The following PPFIBP1 variants were observed in gnomAD, a reference collection of about 807,000 sequenced individuals.
The protein encoded by PPFIBP1 is liprin-beta-1.
Under a neutral mutation model 137.8 loss-of-function variants are expected in PPFIBP1, and 112 were observed. That is an observed-to-expected ratio of 0.81 (90% CI 0.70 to 0.95). PPFIBP1 has a LOEUF of 0.95. Among genes scored for constraint, PPFIBP1 ranks in the 40% least tolerant of loss-of-function variants. The pLI is 0.00. For missense variants in PPFIBP1, 1,083 were observed against 1,196.6 expected (o/e 0.91, Z 1.40); for synonymous variants, 378 against 417.3 (o/e 0.91, Z 1.15).
At chr12:27,580,602 T>C (rs1397961562) in intron 2 of PPFIBP1, among the ~76,000 whole-genome samples, 2 of 152,188 alleles carry the variant, frequency 1.3e-5, no homozygotes, top group Admixed American at 6.5e-5. Flanking sequence ...TTGTATCTGA[T>C]ACTTTATGAG....
At chr12:27,661,831 C>T (rs1198198767) in intron 11 of PPFIBP1, among the ~76,000 whole-genome samples, 1 of 152,112 alleles carries the variant, frequency 6.6e-6, no homozygotes, top group African/African-American at 2.4e-5. Flanking sequence ...CTCGCATTCT[C>T]TTTATTTGCT....
At chr12:27,541,717 C>T (rs960721257) in intron 1 of PPFIBP1, among the ~76,000 whole-genome samples, 1 of 152,146 alleles carries the variant, frequency 6.6e-6, no homozygotes, top group African/African-American at 2.4e-5. Flanking sequence ...TTGCAAAACC[C>T]TTTCACTAGG....
intron 4 of PPFIBP1, among the ~76,000 whole-genome samples, chr12:27,644,598 C>T (rs1431540722): frequency 1.3e-5 from 2 of 151,986 alleles, no homozygotes; most frequent in Non-Finnish European, 2.9e-5. Flanking sequence ...AAAAAACTGC[C>T]CTTGAGAAGT....
chr12:27,599,113 C>G (rs572693467), intron 2 of PPFIBP1, among the ~76,000 whole-genome samples: 17 of 152,234 alleles, frequency 1.1e-4, no homozygotes, highest in African/African-American at 4.1e-4. Context: ...TGTTATGATG[C>G]TTAATTTTAT....
chr12:27,561,299 C>T (rs1237201574), intron 1 of PPFIBP1, among the ~76,000 whole-genome samples: 1 of 152,154 alleles, frequency 6.6e-6, no homozygotes, highest in African/African-American at 2.4e-5. Flanking sequence ...TTACTCTTGG[C>T]CTCCTTTCTG....
chr12:27,530,091 T>A (rs886504675), intron 1 of PPFIBP1, among the ~76,000 whole-genome samples: 1 of 152,262 alleles, frequency 6.6e-6, no homozygotes, highest in African/African-American at 2.4e-5. Flanking sequence ...TCTACTTTTT[T>A]CATCTAGTGA....
intron 1 of PPFIBP1, among the ~76,000 whole-genome samples, chr12:27,540,401 A>T (rs1273266165): frequency 6.6e-6 from 1 of 151,762 alleles, no homozygotes. Flanking sequence ...TGAAAGGCAA[A>T]CACCAAAAGT....
At chr12:27,651,273 CTTTT>C (rs77860364) in intron 7 of PPFIBP1, among the ~76,000 whole-genome samples, 2 of 141,256 alleles carry the variant, frequency 1.4e-5, no homozygotes, top group Non-Finnish European at 3.1e-5. Context: ...ATGTTTTAAT[CTTTT>C]TTTTTTTTTT....
intron 1 of PPFIBP1, among the ~76,000 whole-genome samples, chr12:27,540,223 AT>A (rs549113210): frequency 8.8e-4 from 129 of 146,122 alleles, no homozygotes; most frequent in African/African-American, 7.5e-4. Context: ...TGTCTGGCTA[AT>A]TTTTTTTTTT....
intron 1 of PPFIBP1, among the ~76,000 whole-genome samples, chr12:27,545,244 G>A (rs1315091111): frequency 6.6e-6 from 1 of 152,042 alleles, no homozygotes; most frequent in Non-Finnish European, 1.5e-5. Context: ...AGGGGTGGGG[G>A]GCAAAGGGAG....
At chr12:27,625,057 G>A (rs2056695515) in intron 2 of PPFIBP1, among the ~76,000 whole-genome samples, 1 of 152,114 alleles carries the variant, frequency 6.6e-6, no homozygotes, top group Non-Finnish European at 1.5e-5. Context: ...AATTGCTTGA[G>A]CCCAGGAGTT....
rs2057555631 is a variant in PPFIBP1 at position 27,635,106 on chromosome 12, G to C, written c.261G>C (p.Gln87His). The change falls in exon 4 of 30, where the codon CAG (glutamine) becomes CAC (histidine). Residue 87 changes from glutamine to histidine, a missense_variant. Transcript: ENST00000228425. ...CAGAAACGCTTGTTGAATGGCTTCA[G>C]AGTCAAATGGTAGGGTCTGCCTGTT... Reference protein sequence around the residue: ...STAETLVEWLQSQMTNGHLPG... With the variant: ...STAETLVEWLHSQMTNGHLPG... 7 of 1,614,172 alleles carry C rather than the reference G, an allele frequency of 4.3e-6. No homozygotes were observed. The highest frequency in any genetic ancestry group is 5.9e-6 in the Non-Finnish European group (7 of 1,179,986).
intron 12 of PPFIBP1, among the ~76,000 whole-genome samples, chr12:27,665,841 T>G (rs771968264): frequency 6.6e-6 from 1 of 152,202 alleles, no homozygotes; most frequent in Admixed American, 6.5e-5. Flanking sequence ...ATAATCGATT[T>G]TATAAATATC....
At chr12:27,635,521 G>C in intron 4 of PPFIBP1, 1 of 243,580 alleles carries the variant, frequency 4.1e-6, no homozygotes, top group Non-Finnish European at 8.0e-6. Flanking sequence ...CTTTCAAAAA[G>C]CAACAGGATT....
chr12:27,693,382 T>C lies in PPFIBP1; in HGVS notation c.*500T>C, dbSNP rs1197968072. 1 of 153,208 alleles carries C rather than the reference T, an allele frequency of 6.5e-6. No individual in the cohort carries two copies. Among genetic ancestry groups the C allele is most frequent in the African/African-American group, 2.4e-5 (1 of 41,448 alleles). 9.5% of individuals were successfully genotyped at this position (153,208 alleles called of 1,614,324 possible). Reference sequence around the variant, plus strand: ...ATTGTCTTATTTTTATATATTTTTCTAAATATATGTATATATACAGTACAT... The same window carrying C: ...ATTGTCTTATTTTTATATATTTTTCCAAATATATGTATATATACAGTACAT... On this transcript the variant is annotated 3_prime_UTR_variant, in exon 30 of 30. Coordinates refer to ENST00000228425, the MANE Select transcript of PPFIBP1 (RefSeq NM_003622.4).
At chr12:27,563,306 A>AAAAAAAAAAG (rs2049329854) in intron 1 of PPFIBP1, among the ~76,000 whole-genome samples, 1 of 147,376 alleles carries the variant, frequency 6.8e-6, no homozygotes, top group African/African-American at 2.5e-5. Flanking sequence ...AAAAAAAAAA[A>AAAAAAAAAAG]ATTAGCTGGG....
intron 7 of PPFIBP1, among the ~76,000 whole-genome samples, chr12:27,651,736 T>G (rs193081879): frequency 2.1e-3 from 315 of 152,314 alleles, no homozygotes; most frequent in African/African-American, 6.7e-3. Flanking sequence ...AGGGGAAATA[T>G]TCACCTGTTG....
intron 11 of PPFIBP1, among the ~76,000 whole-genome samples, chr12:27,663,084 G>A (rs1193535708): frequency 6.6e-6 from 1 of 152,202 alleles, no homozygotes; most frequent in Non-Finnish European, 1.5e-5. Context: ...GCCTAGTTTA[G>A]GTTGGCCCCA....
chr12:27,669,954 G>A (rs970973707), intron 13 of PPFIBP1, among the ~76,000 whole-genome samples: 7 of 152,172 alleles, frequency 4.6e-5, no homozygotes, highest in African/African-American at 1.4e-4. Flanking sequence ...AGGCAAGTGA[G>A]AGTCGACATC....
Sources: gnomAD v4.1 joint callset for allele counts (sites outside exome capture counted in the v4.1 genomes callset) on GRCh38, gnomAD v4.1.1 for gene constraint, MANE v1.5 for transcripts, NCBI Gene and HGNC (gene_info 2026-07-23, HGNC 2026-07-21) for gene names.